The following CROCC variants were observed in gnomAD, a reference collection of about 807,000 sequenced individuals.
CROCC encodes ciliary rootlet coiled-coil, rootletin, also known as rootletin.
A neutral mutation model predicts 245.2 loss-of-function variants in CROCC; 180 were observed. That is an observed-to-expected ratio of 0.73 (90% CI 0.65 to 0.83). The LOEUF (loss-of-function observed/expected upper bound fraction) is 0.83. Among genes scored for constraint, CROCC ranks in the 40% least tolerant of loss-of-function variants. The pLI is 0.00. For synonymous variants in CROCC, 1,205 were observed against 1,241.6 expected (o/e 0.97, Z 0.62); for missense variants, 2,688 against 2,779.4 (o/e 0.97, Z 0.74).
chr1:16,956,961 C>T (rs932804653), intron 25 of CROCC, among the ~76,000 whole-genome samples: 1 of 152,186 alleles, frequency 6.6e-6, no homozygotes, highest in African/African-American at 2.4e-5. Context: ...AGCCCCTAGG[C>T]GCTGCCTCAC....
chr1:16,944,062 C>T, intron 13 of CROCC, 38 bp from the exon 14 acceptor site: 1 of 1,497,722 alleles, frequency 6.7e-7, no homozygotes, highest in Admixed American at 2.1e-5. Flanking sequence ...GAGAGCAGCC[C>T]CAGCATCCCC....
At position 16,936,724 on chromosome 1, in the gene CROCC, G is replaced by A. The variant is rs1312967388; in HGVS notation, c.1044G>A (p.Leu348=). Residue 348 remains leucine (L), a synonymous_variant, in exon 9 of 37, where the codon CTG becomes CTA. Transcript: ENST00000375541. ...AGLGLSTGLR[L]AESRAEAALE... ...TGGGACTGAGCACGGGCCTACGGCT[G>A]GCAGAGAGCCGGGCCGAGGCAGCCC... The A allele has an allele frequency of 6.2e-7, 1 of 1,608,198 alleles. No individual in the cohort carries two copies. The highest frequency in any genetic ancestry group is 1.7e-5 in the Admixed American group (1 of 59,212).
At chr1:16,947,924 C>T (rs1331741877) in intron 17 of CROCC, among the ~76,000 whole-genome samples, 12 of 152,316 alleles carry the variant, frequency 7.9e-5, no homozygotes, top group Admixed American at 2.6e-4. Flanking sequence ...CTGCAACCTC[C>T]GCCTCCAGGG....
In CROCC at chr1:16,936,756, AACAGGCCCTGCT is replaced by A. The variant is rs1380821625; in HGVS notation, c.1077_1088del (p.Leu362_Ala365del). Reference sequence around the variant, plus strand: ...AGCCGGGCCGAGGCAGCCCTGGAGAAACAGGCCCTGCTGCAGGCCCAGCTGGAGGAGCAGCTG... The same window carrying A: ...AGCCGGGCCGAGGCAGCCCTGGAGAAGCAGGCCCAGCTGGAGGAGCAGCTG... On this transcript the variant is annotated inframe_deletion, in exon 9 of 37. Transcript: ENST00000375541. The A allele has an allele frequency of 6.2e-7, 1 of 1,611,142 alleles. No individual in the cohort carries two copies. Among genetic ancestry groups the A allele is most frequent in the Non-Finnish European group, 8.5e-7 (1 of 1,179,520 alleles).
At chr1:16,924,638 A>C (rs1477820250) in intron 3 of CROCC, among the ~76,000 whole-genome samples, 159 bp downstream of exon 3, 6 of 152,296 alleles carry the variant, frequency 3.9e-5, no homozygotes, top group Non-Finnish European at 8.8e-5. Flanking sequence ...GCGTTGAGCA[A>C]ATCACTATGC....
upstream of CROCC, among the ~76,000 whole-genome samples, chr1:16,920,742 CTT>C (rs33965029): frequency 4.1e-4 from 55 of 135,366 alleles, no homozygotes; most frequent in Admixed American, 4.5e-4. Context: ...GGGACTGTGC[CTT>C]TTTTTTTTTT....
At position 16,938,966 on chromosome 1, in the gene CROCC, G is replaced by T. The variant is rs370966077; in HGVS notation, c.1432G>T (p.Asp478Tyr). ...GCTGAGCGGCTCTGAGCGCACCGCGGATGCTTCCAACGGCAGCCTGCGGGG... is the reference window on the plus strand; with the variant it reads ...GCTGAGCGGCTCTGAGCGCACCGCGTATGCTTCCAACGGCAGCCTGCGGGG... ...VQLSGSERTA[D>Y]ASNGSLRGLS... is the part of the protein sequence containing the mutation. The change falls in exon 12 of 37, where the codon GAT becomes TAT. Residue 478 changes from aspartate (D) to tyrosine (Y), a missense_variant. Transcript: ENST00000375541. 4.0e-5 allele frequency: 64 copies of T among 1,605,416 alleles called. No homozygotes were observed. The highest frequency in any genetic ancestry group is 2.5e-4 in the East Asian group (11 of 44,586).
Position 16,953,110 on chromosome 1 carries a change from A to G in CROCC, c.3007-192A>G, listed in dbSNP as rs182147638. 1,132 of 592,196 alleles carry G rather than the reference A, an allele frequency of 1.9e-3. 2 individuals carry two copies. Among genetic ancestry groups the G allele is most frequent in the African/African-American group, 0.019 (1,015 of 53,850 alleles). 36.7% of individuals were successfully genotyped at this position (592,196 alleles called of 1,614,324 possible). A position where few individuals can be genotyped will look rare whatever the true frequency, so the allele number is the denominator to read the frequency against. On this transcript the variant is annotated intron_variant, in intron 20 of 36. Transcript: ENST00000375541. ...CATGTTCGGACCCCCAGGCCAGCCC[A>G]CTGCTGCTCCTTGGCACTTTCACGG...
At chr1:16,921,028 G>C (rs1241180980), upstream of CROCC, among the ~76,000 whole-genome samples, 5 of 152,294 alleles carry the variant, frequency 3.3e-5, no homozygotes, top group Non-Finnish European at 7.3e-5. Context: ...ACAGGCATGA[G>C]TGCCTGCGCC....
chr1:16,944,970 C>A (rs576449172), intron 14 of CROCC, among the ~76,000 whole-genome samples: 1 of 152,278 alleles, frequency 6.6e-6, no homozygotes, highest in Non-Finnish European at 1.5e-5. Context: ...CAGTGGCTCA[C>A]GCCTGTAATC....
chr1:16,925,890 G>A (rs1328407421), intron 3 of CROCC, among the ~76,000 whole-genome samples: 1 of 152,264 alleles, frequency 6.6e-6, no homozygotes, highest in Non-Finnish European at 1.5e-5. Context: ...GTCATGAATT[G>A]TGGGTGGTGA....
intron 1 of CROCC, among the ~76,000 whole-genome samples, chr1:16,916,121 A>G (rs2075300520): frequency 6.6e-6 from 1 of 152,074 alleles, no homozygotes; most frequent in Non-Finnish European, 1.5e-5. Context: ...GGTTGCAGTG[A>G]GCTGAGATTG....
At chr1:16,925,794 C>T (rs1289945145) in intron 3 of CROCC, among the ~76,000 whole-genome samples, 9 of 152,384 alleles carry the variant, frequency 5.9e-5, no homozygotes, top group South Asian at 2.1e-4. Flanking sequence ...GCAGAGTAGG[C>T]GGCCCGCAGT....
intron 27 of CROCC, among the ~76,000 whole-genome samples, chr1:16,962,779 G>C (rs1029958054): frequency 6.6e-6 from 1 of 150,588 alleles, no homozygotes; most frequent in African/African-American, 2.4e-5. Context: ...ATGTTGGACA[G>C]GCTGGTCTCA....
chr1:16,931,458 T>C, intron 8 of CROCC, 61 bp downstream of exon 8: 1 of 1,445,612 alleles, frequency 6.9e-7, no homozygotes, highest in Non-Finnish European at 9.7e-7. Context: ...TATGTCCAAC[T>C]GAACTCAGTT....
At chr1:16,964,746 C>A (rs549479444) in intron 27 of CROCC, among the ~76,000 whole-genome samples, 1 of 152,054 alleles carries the variant, frequency 6.6e-6, no homozygotes, top group Admixed American at 6.6e-5. Flanking sequence ...TGCAGCGGTT[C>A]GATTAGGAAC....
chr1:16,962,070 TG>T lies in CROCC; in HGVS notation c.4405+941del, dbSNP rs201475670. On this transcript the variant is annotated intron_variant, in intron 27 of 36. Coordinates refer to ENST00000375541, the MANE Select transcript of CROCC (RefSeq NM_014675.5). Reference sequence around the variant, plus strand: ...CTGTATTGTTTTTAATTATTCTTTTTGTTTTTTTTTGAGATGGCGTCTTGCT... The same window carrying T: ...CTGTATTGTTTTTAATTATTCTTTTTTTTTTTTTTGAGATGGCGTCTTGCT... 2.8e-3 allele frequency among the ~76,000 whole-genome samples: 366 copies of T among 130,602 alleles called. 2 individuals are homozygous for T. Among genetic ancestry groups the T allele is most frequent in the South Asian group, 0.011 (52 of 4,612 alleles). The allele number at this position is 130,602 out of a possible 152,430, so 85.7% of individuals were successfully genotyped here.
chr1:16,950,033 T>A (rs2076132797), intron 19 of CROCC, among the ~76,000 whole-genome samples: 1 of 151,944 alleles, frequency 6.6e-6, no homozygotes, highest in South Asian at 2.1e-4. Flanking sequence ...CCTCCCAAAC[T>A]GCTGGGATTA....
Position 16,948,412 on chromosome 1 carries a change from C to G in CROCC, c.2596C>G (p.Arg866Gly), listed in dbSNP as rs1009922389. The G allele has an allele frequency of 6.4e-7, 1 of 1,573,566 alleles. No individual in the cohort carries two copies. The highest frequency in any genetic ancestry group is 1.2e-5 in the South Asian group (1 of 86,470). ...EAQRQVEALERAAREKEALAK... is the reference protein window; with the variant it reads ...EAQRQVEALEGAAREKEALAK... ...CCAGCGGCAAGTGGAGGCGCTGGAGCGAGCGGCCCGTGAGAAGGAGGCGCT... is the reference window on the plus strand; with the variant it reads ...CCAGCGGCAAGTGGAGGCGCTGGAGGGAGCGGCCCGTGAGAAGGAGGCGCT... The change falls in exon 18 of 37, where the codon CGA (arginine) becomes GGA (glycine). Residue 866 changes from arginine to glycine, a missense_variant. Coordinates refer to ENST00000375541, the MANE Select transcript of CROCC (RefSeq NM_014675.5).
Sources: allele counts gnomAD v4.1 joint callset (sites outside exome capture counted in the v4.1 genomes callset), GRCh38; gene constraint gnomAD v4.1.1; transcripts MANE v1.5; gene names NCBI Gene and HGNC (gene_info 2026-07-23, HGNC 2026-07-21).